Variants in PPP1R1C observed in about 807,000 individuals in gnomAD.
PPP1R1C encodes protein phosphatase 1 regulatory subunit 1C.
In PPP1R1C, 15 loss-of-function variants were observed where a neutral mutation model predicts 17.4. That is an observed-to-expected ratio of 0.86 (90% CI 0.58 to 1.33). The LOEUF (loss-of-function observed/expected upper bound fraction) is 1.33, where lower values mean the gene tolerates loss of function less well. Ranked by LOEUF, PPP1R1C falls within the 40% of genes most tolerant of loss-of-function variation. The pLI is 0.00. For missense variants in PPP1R1C, 143 were observed against 130.0 expected, an observed-to-expected ratio of 1.10 and a Z score of -0.48; for synonymous variants, 35 against 43.1, an observed-to-expected ratio of 0.81 and a Z score of 0.73.
At chr2:182,028,738 G>T (rs377035105) in intron 2 of PPP1R1C, among the ~76,000 whole-genome samples, 1 of 146,564 alleles carries the variant, frequency 6.8e-6, no homozygotes, top group Non-Finnish European at 1.5e-5. Flanking sequence ...CTGCTTGGTG[G>T]AGAGCTGAGT....
intron 2 of PPP1R1C, among the ~76,000 whole-genome samples, chr2:182,040,015 T>C (rs1449049240): frequency 6.6e-6 from 1 of 152,244 alleles, no homozygotes; most frequent in East Asian, 1.9e-4. Context: ...TAGTATTCCA[T>C]GGTGTATAGA....
chr2:182,005,712 C>A (rs1293637795), intron 2 of PPP1R1C, among the ~76,000 whole-genome samples: 1 of 152,168 alleles, frequency 6.6e-6, no homozygotes, highest in Non-Finnish European at 1.5e-5. Flanking sequence ...TAACCATTTT[C>A]TTATTCTCTT....
intron 2 of PPP1R1C, among the ~76,000 whole-genome samples, chr2:182,038,670 G>C (rs1428211736): frequency 3.9e-5 from 6 of 152,096 alleles, no homozygotes; most frequent in African/African-American, 1.4e-4. Flanking sequence ...AAAGGAAAAG[G>C]GTTTTTGTGA....
chr2:182,038,800 C>G (rs1222779042), intron 2 of PPP1R1C, among the ~76,000 whole-genome samples: 2 of 152,180 alleles, frequency 1.3e-5, no homozygotes, highest in Non-Finnish European at 2.9e-5. Flanking sequence ...ATGTAGTGCT[C>G]AGTTCTAAGG....
intron 4 of PPP1R1C, among the ~76,000 whole-genome samples, chr2:182,106,811 A>G (rs1344436891): frequency 6.6e-6 from 1 of 152,182 alleles, no homozygotes; most frequent in Non-Finnish European, 1.5e-5. Flanking sequence ...CAGGAGCTGT[A>G]AACACTCAAT....
intron 1 of PPP1R1C, among the ~76,000 whole-genome samples, chr2:181,972,076 T>C (rs1685020724): frequency 6.6e-6 from 1 of 152,238 alleles, no homozygotes; most frequent in Non-Finnish European, 1.5e-5. Context: ...AGGACTTTTG[T>C]GTGAATAGTC....
intron 4 of PPP1R1C, among the ~76,000 whole-genome samples, chr2:182,096,249 T>C (rs2125224595): frequency 6.6e-6 from 1 of 152,268 alleles, no homozygotes; most frequent in East Asian, 1.9e-4. Flanking sequence ...GTTCAGATCC[T>C]TTTTGGCTTC....
intron 1 of PPP1R1C, among the ~76,000 whole-genome samples, chr2:181,959,103 T>C (rs146247169): frequency 6.6e-5 from 10 of 152,376 alleles, no homozygotes; most frequent in African/African-American, 2.4e-4. Flanking sequence ...TAGCAGTATA[T>C]GTGAATTTCA....
chr2:182,004,823 T>A (rs1685869212), intron 2 of PPP1R1C, among the ~76,000 whole-genome samples: 3 of 152,204 alleles, frequency 2.0e-5, no homozygotes, highest in African/African-American at 7.2e-5. Flanking sequence ...GTGAACTTAA[T>A]GATTTATTGG....
At position 182,071,040 on chromosome 2, in the gene PPP1R1C, C is replaced by T. The variant is rs182513152; in HGVS notation, c.241+7249C>T. On this transcript the variant is annotated intron_variant, in intron 4 of 4. Transcript: ENST00000682840. ...CCAATCACCTCCCACCAAGCCCCAC[C>T]TCCAACACTGGGGATTACAATTGTA... Among the ~76,000 whole-genome samples, 288 of 152,308 alleles carry T rather than the reference C, an allele frequency of 1.9e-3. 1 individual carries two copies. The highest frequency in any genetic ancestry group is 6.7e-3 in the African/African-American group (278 of 41,566).
At chr2:182,127,619 C>G (rs1224950126) in intron 5 of PPP1R1C, among the ~76,000 whole-genome samples, 1 of 152,018 alleles carries the variant, frequency 6.6e-6, no homozygotes, top group Non-Finnish European at 1.5e-5. Flanking sequence ...GGGGAAGAAC[C>G]AATAACAAAG....
At chr2:182,041,276 C>T (rs1422352494) in intron 2 of PPP1R1C, among the ~76,000 whole-genome samples, 1 of 152,130 alleles carries the variant, frequency 6.6e-6, no homozygotes, top group Admixed American at 6.6e-5. Context: ...ATGTCATCGA[C>T]ATTAGATATG....
At chr2:182,031,055 C>G (rs1342672652) in intron 2 of PPP1R1C, 2 of 153,986 alleles carry the variant, frequency 1.3e-5, no homozygotes, top group Admixed American at 1.3e-4. Flanking sequence ...GAGGCAATGC[C>G]TCACCCTGCT....
At chr2:181,995,032 A>G (rs1184655130) in intron 2 of PPP1R1C, among the ~76,000 whole-genome samples, 3 of 152,214 alleles carry the variant, frequency 2.0e-5, no homozygotes, top group Non-Finnish European at 4.4e-5. Flanking sequence ...AGCTCTGGTT[A>G]AAGCACAATG....
intron 4 of PPP1R1C, among the ~76,000 whole-genome samples, chr2:182,107,946 G>A (rs1411183395): frequency 2.0e-5 from 3 of 151,846 alleles, no homozygotes; most frequent in African/African-American, 7.3e-5. Flanking sequence ...CTTCAGTTGT[G>A]CAATATAGCT....
Position 181,961,594 on chromosome 2 carries a change from A to G in PPP1R1C, n.111+6960A>G, listed in dbSNP as rs1301359061. On this transcript the variant is annotated intron_variant and non_coding_transcript_variant, in intron 1 of 5. Coordinates refer to the PPP1R1C transcript ENST00000464264. The surrounding 1 kb of genome is among the most constrained non-coding windows in gnomAD (Gnocchi z 5.8). ...CTGGACTGTACGTCTCAGCTCCGTGAGCGTCATCTCAGCATCTCCAACCTT... is the reference window on the plus strand; with the variant it reads ...CTGGACTGTACGTCTCAGCTCCGTGGGCGTCATCTCAGCATCTCCAACCTT... 9 of 743,112 alleles carry G rather than the reference A, an allele frequency of 1.2e-5. No homozygotes were observed. Among genetic ancestry groups the G allele is most frequent in the Non-Finnish European group, 2.2e-5 (9 of 414,112 alleles). 46.0% of individuals were successfully genotyped at this position (743,112 alleles called of 1,614,324 possible).
chr2:182,122,228 A>T (rs1450455864), downstream of PPP1R1C, among the ~76,000 whole-genome samples: 1 of 151,820 alleles, frequency 6.6e-6, no homozygotes. Context: ...ATAAAAAAAA[A>T]TTACTCACTA....
chr2:182,030,643 GC>G, intron 2 of PPP1R1C, among the ~76,000 whole-genome samples: 1 of 147,622 alleles, frequency 6.8e-6, no homozygotes, highest in African/African-American at 2.5e-5. Flanking sequence ...ATTTAAGTCT[GC>G]AGAGGTTACT....
At position 182,000,390 on chromosome 2, in the gene PPP1R1C, C is replaced by T. The variant is rs369259282; in HGVS notation, c.142+12491C>T. On this transcript the variant is annotated intron_variant, in intron 2 of 4. Transcript: ENST00000682840. ...GTCCAAGTGTAATCAATCTACATGG[C>T]TCTTCATAGGATGCATGTTCCAAAA... Among the ~76,000 whole-genome samples the T allele has an allele frequency of 3.3e-5, 5 of 152,086 alleles. No homozygotes were observed. In the East Asian group the frequency reaches 7.7e-4, roughly 23 times the overall value.
Sources: allele counts gnomAD v4.1 joint callset (sites outside exome capture counted in the v4.1 genomes callset), GRCh38; gene constraint gnomAD v4.1.1; non-coding constraint Gnocchi (gnomAD v3.1); transcripts MANE v1.5; gene names NCBI Gene and HGNC (gene_info 2026-07-23, HGNC 2026-07-21).